The following LAMC2 variants were observed in gnomAD, a reference collection of about 807,000 sequenced individuals.
The protein encoded by LAMC2 is laminin subunit gamma 2, also known as laminin subunit gamma-2.
In LAMC2, 97 loss-of-function variants were observed where a neutral mutation model predicts 140.2. The observed-to-expected ratio is 0.69, with a 90% CI of 0.59 to 0.82. The LOEUF (loss-of-function observed/expected upper bound fraction) is 0.82. Among genes scored for constraint, LAMC2 ranks in the 40% least tolerant of loss-of-function variants. The probability of loss-of-function intolerance (pLI) is 0.00; values close to 1 mark genes in which losing one functional copy is unlikely to be tolerated. For synonymous variants in LAMC2, 513 were observed against 540.2 expected (o/e 0.95, Z 0.70); for missense variants, 1,402 against 1,476.1 (o/e 0.95, Z 0.82).
the LAMC2 span, chr1:183,252,292 C>T: frequency 1.7e-5 from 4 of 239,990 alleles, no homozygotes; most frequent in Non-Finnish European, 3.2e-5. Context: ...GGAGGATGGG[C>T]ACCAGAGCCG....
downstream of LAMC2, among the ~76,000 whole-genome samples, chr1:183,247,049 G>A (rs1333720366): frequency 1.3e-5 from 2 of 152,174 alleles, no homozygotes; most frequent in Non-Finnish European, 2.9e-5. Flanking sequence ...GGTGGCTCAC[G>A]CCTGTAATCC....
the LAMC2 span, among the ~76,000 whole-genome samples, chr1:183,256,372 G>C: frequency 6.6e-6 from 1 of 152,106 alleles, no homozygotes; most frequent in Non-Finnish European, 1.5e-5. Context: ...TTGTGCCACT[G>C]CACTCCAGCC....
the LAMC2 span, chr1:183,251,404 T>C: frequency 0.033 from 5,048 of 152,400 alleles, 127 homozygotes; most frequent in South Asian, 0.12. Flanking sequence ...TAGTTCATCC[T>C]GGACTTACAA....
intron 12 of LAMC2, among the ~76,000 whole-genome samples, chr1:183,231,746 C>A (rs1362240533): frequency 6.6e-6 from 1 of 152,210 alleles, no homozygotes; most frequent in Non-Finnish European, 1.5e-5. Flanking sequence ...CCAAACAGAA[C>A]TCCAAATGTA....
chr1:183,186,334 T>C lies in LAMC2; in HGVS notation c.-19T>C. 6.3e-7 allele frequency: 1 copy of C among 1,583,976 alleles called. No homozygotes were observed. ...CGACCCCTGCAGCGGAGACAGAGAC[T>C]GAGCGGCCCGGCCCCGCCATGCCTG... On this transcript the variant is annotated 5_prime_UTR_variant, in exon 1 of 23. Transcript: ENST00000264144.
intron 11 of LAMC2, among the ~76,000 whole-genome samples, chr1:183,230,400 C>T (rs997871766): frequency 6.6e-6 from 1 of 152,168 alleles, no homozygotes; most frequent in East Asian, 1.9e-4. Flanking sequence ...AGTGTCTCAC[C>T]CACTATCATA....
intron 2 of LAMC2, among the ~76,000 whole-genome samples, chr1:183,210,273 C>T (rs543554640): frequency 2.0e-5 from 3 of 152,118 alleles, no homozygotes; most frequent in Non-Finnish European, 2.9e-5. Flanking sequence ...CAAATCTGGA[C>T]ACAACCACCA....
intron 1 of LAMC2, among the ~76,000 whole-genome samples, chr1:183,202,834 A>G (rs1405037700): frequency 6.6e-6 from 1 of 152,122 alleles, no homozygotes; most frequent in Non-Finnish European, 1.5e-5. Flanking sequence ...GGGCTGGGAC[A>G]TCTGTTGGTT....
chr1:183,239,707 T>G lies in LAMC2; in HGVS notation c.3069+144T>G, dbSNP rs648809. ...ATGGGAGCCCCAGATTAAAAGACTA[T>G]GGTAGCAAAGACGCATGACAGAGAA... On this transcript the variant is annotated intron_variant, in intron 20 of 22. Coordinates refer to ENST00000264144, the MANE Select transcript of LAMC2 (RefSeq NM_005562.3). 0.13 allele frequency: 93,682 copies of G among 718,706 alleles called. 6,768 individuals carry two copies. Among genetic ancestry groups the G allele is most frequent in the East Asian group, 0.23 (8,710 of 37,788 alleles). 44.5% of individuals were successfully genotyped at this position (718,706 alleles called of 1,614,324 possible).
At chr1:183,222,556 C>A (rs917199165) in intron 6 of LAMC2, among the ~76,000 whole-genome samples, 1 of 151,424 alleles carries the variant, frequency 6.6e-6, no homozygotes, top group African/African-American at 2.4e-5. Context: ...AAAAACAAAG[C>A]ATTTCTTAAA....
chr1:183,248,401 T>A (rs921240239), downstream of LAMC2: 5 of 152,604 alleles, frequency 3.3e-5, no homozygotes, highest in African/African-American at 1.2e-4. Flanking sequence ...ATAAAGCAAA[T>A]CTTACTCTTA....
intron 1 of LAMC2, 44 bp from the exon 2 acceptor site, chr1:183,207,837 T>TTG: frequency 8.0e-7 from 1 of 1,247,024 alleles, no homozygotes; most frequent in Non-Finnish European, 1.1e-6. Context: ...CCTGAGGTGT[T>TTG]TTTTTTTTTT....
At position 183,225,606 on chromosome 1, in the gene LAMC2, A is replaced by T. The variant is rs1553266260; in HGVS notation, c.954-2A>T. The T allele has an allele frequency of 6.3e-7, 1 of 1,591,336 alleles. No homozygotes were observed. The highest frequency in any genetic ancestry group is 8.6e-7 in the Non-Finnish European group (1 of 1,159,222). ...TAAAGCTTTTGATTTTAAATTATGC[A>T]GGTTAAATGAGCATCCAAGCAATAA... On this transcript the variant is annotated splice_acceptor_variant, in intron 7 of 22. Coordinates refer to ENST00000264144, the MANE Select transcript of LAMC2 (RefSeq NM_005562.3). LOFTEE classifies it high-confidence loss of function.
In LAMC2 at chr1:183,235,584, G is replaced by A. The variant is rs201603214; in HGVS notation, c.2310G>A (p.Glu770=). 3.1e-6 allele frequency: 5 copies of A among 1,614,196 alleles called. No individual in the cohort carries two copies. The highest frequency in any genetic ancestry group is 4.5e-5 in the East Asian group (2 of 44,880). ...TTTTTAATCCTTTCAGCCACGTTGA[G>A]TCAGCCAGTAACATGGAGCAACTGA... is the stretch of plus-strand genomic sequence containing the variant. ...EATRLAESHV[E]SASNMEQLTR... The change falls in exon 16 of 23, where the codon GAG becomes GAA. Residue 770 remains glutamate, a synonymous_variant. Transcript: ENST00000264144.
At chr1:183,253,904 C>CGTGTGTGT in the LAMC2 span, among the ~76,000 whole-genome samples, 2,440 of 144,324 alleles carry the variant, frequency 0.017, 29 homozygotes, top group Middle Eastern at 0.039. Context: ...GTTCCACTTC[C>CGTGTGTGT]GTGTGTGTGT....
At chr1:183,248,987 A>G (rs201539315), downstream of LAMC2, 1 of 147,576 alleles carries the variant, frequency 6.8e-6, no homozygotes, top group Non-Finnish European at 1.5e-5. Context: ...TCTCCCTGTA[A>G]TTCTCTGCCT....
rs147374994 is a variant in LAMC2, at chr1:183,232,704, C to T, written c.2067C>T (p.Asn689=). The T allele has an allele frequency of 1.2e-6, 2 of 1,613,738 alleles. No homozygotes were observed. The highest frequency in any genetic ancestry group is 1.7e-5 in the Admixed American group (1 of 60,026). Residue 689 remains asparagine, a synonymous_variant, in exon 14 of 23, where the codon AAC becomes AAT. Transcript: ENST00000264144. ...TGGCCAAGGTGAGGAGCCAAGAGAA[C>T]AGCTACCAGAGCCGCCTGGATGACC... The part of the protein sequence containing the change: ...LQLAKVRSQE[N]SYQSRLDDLK...
intron 5 of LAMC2, among the ~76,000 whole-genome samples, chr1:183,221,728 T>TA (rs141550042): frequency 0.012 from 1,730 of 143,066 alleles, 44 homozygotes; most frequent in African/African-American, 0.041. Flanking sequence ...GACTCCGTCT[T>TA]AAAAAAAAAA....
chr1:183,240,614 T>A (rs1300058778), intron 22 of LAMC2: 5 of 1,424,410 alleles, frequency 3.5e-6, no homozygotes, highest in Non-Finnish European at 4.6e-6. Context: ...CCTATTGCAC[T>A]TGGGGGTAAA....
Sources: gnomAD v4.1 joint callset for allele counts (sites outside exome capture counted in the v4.1 genomes callset) on GRCh38, gnomAD v4.1.1 for gene constraint, MANE v1.5 for transcripts, NCBI Gene and HGNC (gene_info 2026-07-23, HGNC 2026-07-21) for gene names.